ABCC1: variants seen among roughly 807,000 people sequenced by gnomAD.
ABCC1 encodes the protein multidrug resistance-associated protein 1.
A neutral mutation model predicts 172.9 loss-of-function variants in ABCC1; 83 were observed. The ratio of observed to expected loss-of-function variants is 0.48; its 90% CI spans 0.40 to 0.58. The LOEUF (loss-of-function observed/expected upper bound fraction) is 0.58. Ranked by LOEUF, ABCC1 falls within the 20% of genes least tolerant of loss-of-function variation. The pLI, the probability that ABCC1 is intolerant of heterozygous loss-of-function variation, is 0.00. For missense variants in ABCC1, 1,817 were observed against 2,002.7 expected, an observed-to-expected ratio of 0.91 and a Z score of 1.77; for synonymous variants, 937 against 825.2, an observed-to-expected ratio of 1.14 and a Z score of -2.32.
At chr16:16,103,661 A>C (rs969447462) in intron 20 of ABCC1, among the ~76,000 whole-genome samples, 1 of 152,168 alleles carries the variant, frequency 6.6e-6, no homozygotes, top group Non-Finnish European at 1.5e-5. Context: ...CGGAGCCTAA[A>C]CGTATCAGAC....
At chr16:16,117,479 A>G (rs2044942589) in intron 23 of ABCC1, among the ~76,000 whole-genome samples, 1 of 152,158 alleles carries the variant, frequency 6.6e-6, no homozygotes, top group Non-Finnish European at 1.5e-5. Flanking sequence ...ATAACCACGG[A>G]AAGTGCAACC....
At position 16,131,826 on chromosome 16, in the gene ABCC1, G is replaced by A; in HGVS notation, c.3857G>A (p.Ser1286Asn). 1 of 1,614,166 alleles carries A rather than the reference G, an allele frequency of 6.2e-7. No individual in the cohort carries two copies. Among genetic ancestry groups the A allele is most frequent in the South Asian group, 1.1e-5 (1 of 91,082 alleles). Residue 1286 changes from serine to asparagine, a missense_variant, in exon 27 of 31, where the codon AGC becomes AAC. Transcript: ENST00000399410. ...WQIQETAPPSSWPQVGRVEFR... is the reference protein window; with the variant it reads ...WQIQETAPPSNWPQVGRVEFR... ...ATCCAGGAGACAGCTCCGCCCAGCA[G>A]CTGGCCCCAGGTGGGCCGAGTGGAA...
At position 16,131,893 on chromosome 16, in the gene ABCC1, C is replaced by T. The variant is rs201117375; in HGVS notation, c.3924C>T (p.Phe1308=). The change falls in exon 27 of 31, where the codon TTC becomes TTT. Residue 1308 remains phenylalanine (F), a synonymous_variant. Coordinates refer to ENST00000399410, the MANE Select transcript of ABCC1 (RefSeq NM_004996.4). The part of the protein sequence containing the change: ...YCLRYREDLD[F]VLRHINVTIN... The stretch of plus-strand genomic sequence containing the variant: ...TGCGCTACCGAGAGGACCTGGACTT[C>T]GTTCTCAGGCACATCAATGTCACGA... The T allele has an allele frequency of 7.4e-5, 120 of 1,614,108 alleles. No homozygotes were observed. The highest frequency in any genetic ancestry group is 8.9e-5 in the East Asian group (4 of 44,868).
Position 16,121,997 on chromosome 16 carries a change from G to T in ABCC1, c.3413G>T (p.Arg1138Leu), listed in dbSNP as rs1387333493. The T allele has an allele frequency of 6.2e-7, 1 of 1,614,170 alleles. No individual in the cohort carries two copies. The highest frequency in any genetic ancestry group is 1.7e-5 in the Admixed American group (1 of 60,022). Reference sequence around the variant, plus strand: ...CAGAGGTTCTACGTGGCTTCCTCCCGGCAGCTGAAGCGCCTCGAGTCGGTC... The same window carrying T: ...CAGAGGTTCTACGTGGCTTCCTCCCTGCAGCTGAAGCGCCTCGAGTCGGTC... ...FVQRFYVASS[R>L]QLKRLESVSR... Residue 1138 changes from arginine (R) to leucine (L), a missense_variant, in exon 24 of 31, where the codon CGG (arginine) becomes CTG (leucine). Arg to Leu is a moderately radical substitution (Grantham distance 102). Around this residue, in one of 3 missense-constraint regions of ABCC1, gnomAD observed 1,412 missense variants for 1,600.3 expected, o/e 0.88. Coordinates refer to ENST00000399410, the MANE Select transcript of ABCC1 (RefSeq NM_004996.4).
chr16:15,968,931 G>T (rs1422697072), intron 1 of ABCC1, among the ~76,000 whole-genome samples: 1 of 151,440 alleles, frequency 6.6e-6, no homozygotes, highest in African/African-American at 2.4e-5. Context: ...CAGTCAGCCA[G>T]GTGTGGTGGC....
chr16:16,039,235 A>ATGTGTGTGTGTGTG (rs1567337955), intron 7 of ABCC1, among the ~76,000 whole-genome samples: 2 of 102,792 alleles, frequency 1.9e-5, no homozygotes, highest in Admixed American at 1.1e-4. Context: ...GTGTGTGTGT[A>ATGTGTGTGTGTGTG]TGTATGTGTG....
chr16:16,135,168 A>T (rs1197695860), intron 28 of ABCC1, among the ~76,000 whole-genome samples: 2 of 152,140 alleles, frequency 1.3e-5, no homozygotes, highest in Non-Finnish European at 1.5e-5. Context: ...AAGAAATAAG[A>T]CTTTTTAATT....
intron 14 of ABCC1, among the ~76,000 whole-genome samples, chr16:16,072,777 C>T (rs2050400820): frequency 6.6e-6 from 1 of 151,968 alleles, no homozygotes. Context: ...CACAGTGGCT[C>T]ACGCCTGTAA....
chr16:16,041,059 C>T (rs889187671), intron 7 of ABCC1, among the ~76,000 whole-genome samples: 6 of 151,526 alleles, frequency 4.0e-5, no homozygotes, highest in African/African-American at 1.5e-4. Context: ...TCCCTAGTAG[C>T]TGGGACTACA....
chr16:16,068,006 A>T, intron 12 of ABCC1, 150 bp from the exon 13 acceptor site: 1 of 778,460 alleles, frequency 1.3e-6, no homozygotes, highest in Non-Finnish European at 2.1e-6. Context: ...TGTGCCAGAT[A>T]CTGCCCCAGG....
intron 24 of ABCC1, among the ~76,000 whole-genome samples, chr16:16,123,537 GA>G (rs1307212170): frequency 6.6e-6 from 1 of 152,052 alleles, no homozygotes; most frequent in East Asian, 1.9e-4. Flanking sequence ...TGAGGCAGGA[GA>G]ATCACTTGAA....
rs149447753 is a variant in ABCC1 at position 15,956,177 on chromosome 16, C to G, written c.48+6378C>G. 5.9e-3 allele frequency among the ~76,000 whole-genome samples: 893 copies of G among 151,986 alleles called. 6 individuals are homozygous for G. The highest frequency in any genetic ancestry group is 0.02 in the African/African-American group (848 of 41,476). ...TCACTTGAGGTCAGGAGTTTGAGAC[C>G]AGCCTGGCCAACATGGTAAAACCCT... On this transcript the variant is annotated intron_variant, in intron 1 of 30. Coordinates refer to ENST00000399410, the MANE Select transcript of ABCC1 (RefSeq NM_004996.4).
rs114431168 is a variant in ABCC1 at position 16,026,261 on chromosome 16, C to T, written c.616-6848C>T. On this transcript the variant is annotated intron_variant, in intron 5 of 30. Transcript: ENST00000399410. ...AGCCTGGCCAACATGATAAAACCCCCGTCTGTACTACAAATGCAAAAATTA... is the reference window on the plus strand; with the variant it reads ...AGCCTGGCCAACATGATAAAACCCCTGTCTGTACTACAAATGCAAAAATTA... Among the ~76,000 whole-genome samples the T allele has an allele frequency of 6.6e-3, 996 of 150,408 alleles. 16 individuals carry two copies. The highest frequency in any genetic ancestry group is 0.023 in the African/African-American group (951 of 40,902).
At chr16:16,058,803 A>G (rs1033909403) in intron 12 of ABCC1, among the ~76,000 whole-genome samples, 1 of 152,244 alleles carries the variant, frequency 6.6e-6, no homozygotes, top group Non-Finnish European at 1.5e-5. Flanking sequence ...GCATGCAGCA[A>G]CCATGCTCAG....
intron 12 of ABCC1, among the ~76,000 whole-genome samples, chr16:16,059,506 T>A (rs2049814620): frequency 6.6e-6 from 1 of 152,086 alleles, no homozygotes; most frequent in Non-Finnish European, 1.5e-5. Flanking sequence ...TTTTAACTTT[T>A]AAAAAATATG....
At position 16,090,298 on chromosome 16, in the gene ABCC1, G is replaced by C. The variant is rs1364659435; in HGVS notation, c.2461-107G>C. The C allele has an allele frequency of 8.9e-6, 11 of 1,239,100 alleles. No individual in the cohort carries two copies. The African/African-American group carries it at 1.7e-4, about 19-fold the overall frequency. The allele number at this position is 1,239,100 out of a possible 1,614,324, so 76.8% of individuals were successfully genotyped here. Reference sequence around the variant, plus strand: ...TGTCCCACCTTCAGACCTGAGTTTTGCCCACCAGGTGTTCGTCGGCTCATT... The same window carrying C: ...TGTCCCACCTTCAGACCTGAGTTTTCCCCACCAGGTGTTCGTCGGCTCATT... On this transcript the variant is annotated intron_variant, in intron 18 of 30. Transcript: ENST00000399410.
chr16:15,978,444 T>G (rs1359966952), intron 1 of ABCC1, among the ~76,000 whole-genome samples: 3 of 152,164 alleles, frequency 2.0e-5, no homozygotes, highest in Non-Finnish European at 4.4e-5. Context: ...GAAAGTGAGT[T>G]TTCCTTTTTG....
At chr16:15,964,028 C>G (rs1466127912) in intron 1 of ABCC1, among the ~76,000 whole-genome samples, 1 of 151,964 alleles carries the variant, frequency 6.6e-6, no homozygotes, top group Non-Finnish European at 1.5e-5. Flanking sequence ...ATTGCAACCT[C>G]TGCCTCCTGG....
In ABCC1 at chr16:16,048,243, C is replaced by T; in HGVS notation, c.1320C>T (p.Tyr440=). The change falls in exon 10 of 31, where the codon TAC becomes TAT. Residue 440 remains tyrosine (Y), a synonymous_variant. Transcript: ENST00000399410. ...AGAGGTTCATGGACTTGGCCACGTA[C>T]ATTAACATGATCTGGTCAGCCCCCC... ...DAQRFMDLAT[Y]INMIWSAPLQ... 1 of 1,614,206 alleles carries T rather than the reference C, an allele frequency of 6.2e-7. No homozygotes were observed. The highest frequency in any genetic ancestry group is 8.5e-7 in the Non-Finnish European group (1 of 1,180,038).
Sources: gnomAD v4.1 joint callset for allele counts (sites outside exome capture counted in the v4.1 genomes callset) on GRCh38, gnomAD v4.1.1 for gene constraint, gnomAD v4.1.1 regional missense constraint, MANE v1.5 for transcripts, NCBI Gene and HGNC (gene_info 2026-07-23, HGNC 2026-07-21) for gene names.